The following LRMDA variants were observed in gnomAD, a reference collection of about 807,000 sequenced individuals.
The protein encoded by LRMDA is leucine-rich melanocyte differentiation-associated protein.
A neutral mutation model predicts 29.8 loss-of-function variants in LRMDA; 18 were observed. The observed-to-expected ratio is 0.60, with a 90% CI of 0.42 to 0.90. The LOEUF (loss-of-function observed/expected upper bound fraction) is 0.90. Among genes scored for constraint, LRMDA ranks in the 40% least tolerant of loss-of-function variants. The probability of loss-of-function intolerance (pLI) is 0.00; values close to 1 mark genes in which losing one functional copy is unlikely to be tolerated. For synonymous variants in LRMDA, 125 were observed against 109.4 expected (o/e 1.14, Z -0.89); for missense variants, 273 against 273.9 (o/e 1.00, Z 0.02).
At chr10:75,495,616 G>A (rs4498932) in intron 2 of LRMDA, among the ~76,000 whole-genome samples, 137,501 of 152,214 alleles carry the variant, frequency 0.9, 62,308 homozygotes, top group African/African-American at 0.98. Flanking sequence ...TCTTGCCTGC[G>A]GGCAGCTGGG....
intron 6 of LRMDA, among the ~76,000 whole-genome samples, chr10:76,516,592 G>T (rs1421863549): frequency 6.6e-6 from 1 of 151,902 alleles, no homozygotes; most frequent in Non-Finnish European, 1.5e-5. Context: ...AGAACATGCA[G>T]TGTTTTTTTT....
chr10:75,970,771 T>C (rs1396552615), intron 2 of LRMDA, among the ~76,000 whole-genome samples: 1 of 152,202 alleles, frequency 6.6e-6, no homozygotes, highest in East Asian at 1.9e-4. Context: ...CTGTGTCTTC[T>C]TATTCCTATC....
chr10:76,374,253 CA>C (rs1238405051), intron 6 of LRMDA, among the ~76,000 whole-genome samples: 6 of 152,096 alleles, frequency 3.9e-5, no homozygotes, highest in African/African-American at 1.2e-4. Context: ...TGCTTTGTAT[CA>C]AGATAATGCC....
At chr10:76,527,049 CAAAAAAAA>C (rs34187065) in intron 6 of LRMDA, among the ~76,000 whole-genome samples, 3 of 105,520 alleles carry the variant, frequency 2.8e-5, no homozygotes, top group Admixed American at 1.0e-4. Context: ...TCAGGTCTGA[CAAAAAAAA>C]AAAAAAAAAA....
Position 76,397,058 on chromosome 10 carries a change from C to T in LRMDA, c.601+72573C>T, listed in dbSNP as rs574506275. Among the ~76,000 whole-genome samples, 9 of 152,282 alleles carry T rather than the reference C, an allele frequency of 5.9e-5. No individual in the cohort carries two copies. In the South Asian group the frequency reaches 1.9e-3, roughly 32 times the overall value. On this transcript the variant is annotated intron_variant, in intron 6 of 6. Coordinates refer to ENST00000611255, the MANE Select transcript of LRMDA (RefSeq NM_001305581.2). ...CCCTTTTCTTAGAGACACGTCCCCT[C>T]CCTTGCTGGTTTCTGGCTTCTCTTT...
At chr10:75,645,273 G>A (rs1835366) in intron 2 of LRMDA, among the ~76,000 whole-genome samples, 118,060 of 152,224 alleles carry the variant, frequency 0.78, 47,128 homozygotes, top group East Asian at 0.89. Flanking sequence ...GTGAGCCACC[G>A]TGCATGGCAA....
intron 2 of LRMDA, among the ~76,000 whole-genome samples, chr10:75,459,147 A>T (rs942581733): frequency 6.6e-6 from 1 of 152,180 alleles, no homozygotes; most frequent in Non-Finnish European, 1.5e-5. Context: ...TAGAGTGTTA[A>T]CTAGTCAGAT....
chr10:76,454,307 AC>A (rs1193335111), intron 6 of LRMDA, among the ~76,000 whole-genome samples: 1 of 152,122 alleles, frequency 6.6e-6, no homozygotes, highest in African/African-American at 2.4e-5. Flanking sequence ...TTGGAATTGA[AC>A]TAAAAAGAGT....
At chr10:76,509,100 C>A (rs552630786) in intron 6 of LRMDA, among the ~76,000 whole-genome samples, 74 of 152,236 alleles carry the variant, frequency 4.9e-4, no homozygotes, top group African/African-American at 1.6e-3. Flanking sequence ...CTCAAATATA[C>A]GTTGAATTTG....
At chr10:75,521,499 G>A (rs992517587) in intron 2 of LRMDA, among the ~76,000 whole-genome samples, 3 of 152,208 alleles carry the variant, frequency 2.0e-5, no homozygotes, top group African/African-American at 2.4e-5. Flanking sequence ...CTCCGTGGGC[G>A]TGGGGCCCAC....
intron 6 of LRMDA, among the ~76,000 whole-genome samples, chr10:76,393,953 G>A (rs1216692009): frequency 6.6e-6 from 1 of 152,102 alleles, no homozygotes; most frequent in Non-Finnish European, 1.5e-5. Flanking sequence ...TACCTTTGTG[G>A]AAAACCAGTT....
At chr10:76,258,200 C>A (rs1370144039) in intron 5 of LRMDA, among the ~76,000 whole-genome samples, 2 of 152,142 alleles carry the variant, frequency 1.3e-5, no homozygotes, top group African/African-American at 4.8e-5. Context: ...CTACCACCTA[C>A]CCATAAGGGT....
chr10:76,506,060 AG>A (rs1158775074), intron 6 of LRMDA, among the ~76,000 whole-genome samples: 1 of 152,124 alleles, frequency 6.6e-6, no homozygotes, highest in Non-Finnish European at 1.5e-5. Flanking sequence ...AAATCTATGC[AG>A]GGTTCCCAGC....
At chr10:76,012,202 C>T (rs1039621654) in intron 2 of LRMDA, among the ~76,000 whole-genome samples, 12 of 152,204 alleles carry the variant, frequency 7.9e-5, no homozygotes, top group African/African-American at 2.7e-4. Context: ...CCTTGGTCTG[C>T]ACTGGGTTCC....
intron 2 of LRMDA, among the ~76,000 whole-genome samples, chr10:75,528,678 A>T (rs921904689): frequency 1.3e-5 from 2 of 152,200 alleles, no homozygotes; most frequent in Admixed American, 6.5e-5. Flanking sequence ...CTATTCTTAA[A>T]TGTGGGCAGA....
intron 5 of LRMDA, among the ~76,000 whole-genome samples, chr10:76,149,111 A>G (rs1337403530): frequency 6.6e-6 from 1 of 152,224 alleles, no homozygotes; most frequent in African/African-American, 2.4e-5. Flanking sequence ...GTAAAGTGGT[A>G]TCCCCTAGAA....
At chr10:75,772,880 A>G in intron 2 of LRMDA, among the ~76,000 whole-genome samples, 1 of 141,822 alleles carries the variant, frequency 7.1e-6, no homozygotes, top group African/African-American at 2.6e-5. Flanking sequence ...GGGGGGGGGC[A>G]GATTAATCAG....
At chr10:76,321,455 A>G (rs533741736) in intron 5 of LRMDA, among the ~76,000 whole-genome samples, 1 of 151,698 alleles carries the variant, frequency 6.6e-6, no homozygotes, top group African/African-American at 2.4e-5. Context: ...TCTTATGTTT[A>G]TTGACTGTTC....
At chr10:76,055,063 C>CAAAAAAAAAAAAAAAAAAAAAAAAAAAA (rs531729040) in intron 4 of LRMDA, among the ~76,000 whole-genome samples, 100 of 45,898 alleles carry the variant, frequency 2.2e-3, no homozygotes, top group East Asian at 3.2e-3. Flanking sequence ...GACTCCATCT[C>CAAAAAAAAAAAAAAAAAAAAAAAAAAAA]AAAAAAAAAA....
Sources: gnomAD v4.1 joint callset for allele counts (sites outside exome capture counted in the v4.1 genomes callset) on GRCh38, gnomAD v4.1.1 for gene constraint, MANE v1.5 for transcripts, NCBI Gene and HGNC (gene_info 2026-07-23, HGNC 2026-07-21) for gene names.